MTHFD1: variants seen among roughly 807,000 people sequenced by gnomAD.
MTHFD1 encodes methylenetetrahydrofolate dehydrogenase, cyclohydrolase and formyltetrahydrofolate synthetase 1.
Under a neutral mutation model 110.3 loss-of-function variants are expected in MTHFD1, and 44 were observed. The ratio of observed to expected loss-of-function variants is 0.40; its 90% CI spans 0.31 to 0.51. The LOEUF (loss-of-function observed/expected upper bound fraction) is 0.51. Among genes scored for constraint, MTHFD1 ranks in the 20% least tolerant of loss-of-function variants. The pLI is 0.60. For missense variants in MTHFD1, 909 were observed against 1,173.1 expected, an observed-to-expected ratio of 0.77 and a Z score of 3.29; for synonymous variants, 402 against 428.8, an observed-to-expected ratio of 0.94 and a Z score of 0.77.
intron 26 of MTHFD1, among the ~76,000 whole-genome samples, chr14:64,456,932 G>A (rs1945828580): frequency 1.3e-5 from 2 of 152,092 alleles, no homozygotes; most frequent in African/African-American, 2.4e-5. Context: ...GAACTTGTGT[G>A]TATTCATTAT....
At chr14:64,444,335 C>T (rs1435705496) in intron 21 of MTHFD1, among the ~76,000 whole-genome samples, 3 of 152,014 alleles carry the variant, frequency 2.0e-5, no homozygotes, top group Non-Finnish European at 4.4e-5. Flanking sequence ...CTTCCGCAGG[C>T]CCGACCGCTT....
At position 64,411,060 on chromosome 14, in the gene MTHFD1, C is replaced by T. The variant is rs769407733; in HGVS notation, c.127-30C>T. On this transcript the variant is annotated intron_variant, in intron 2 of 27. Transcript: ENST00000652337. Reference sequence around the variant, plus strand: ...TCTGTGCACTTTGCCTTTCCCTAATCATCTGATTTGCATGCATTTATTATT... The same window carrying T: ...TCTGTGCACTTTGCCTTTCCCTAATTATCTGATTTGCATGCATTTATTATT... The T allele has an allele frequency of 3.3e-6, 5 of 1,506,194 alleles. No homozygotes were observed. In the Admixed American group the frequency reaches 8.4e-5, roughly 25 times the overall value. 93.3% of individuals were successfully genotyped at this position (1,506,194 alleles called of 1,614,324 possible).
intron 22 of MTHFD1, among the ~76,000 whole-genome samples, chr14:64,446,069 T>C (rs558182505): frequency 1.3e-5 from 2 of 152,336 alleles, no homozygotes; most frequent in East Asian, 3.9e-4. Flanking sequence ...ATATGTATTT[T>C]TATAGAAGAC....
chr14:64,409,666 G>A (rs962400030), intron 2 of MTHFD1, among the ~76,000 whole-genome samples: 3 of 151,940 alleles, frequency 2.0e-5, no homozygotes, highest in Non-Finnish European at 4.4e-5. Context: ...AAGCCCCTAC[G>A]AGAAGCATCT....
At chr14:64,409,947 T>C (rs1048024518) in intron 2 of MTHFD1, among the ~76,000 whole-genome samples, 1 of 152,144 alleles carries the variant, frequency 6.6e-6, no homozygotes, top group Non-Finnish European at 1.5e-5. Flanking sequence ...TCAGTTGTCT[T>C]TGATATGAAG....
chr14:64,410,995 T>G, intron 2 of MTHFD1, 95 bp from the exon 3 acceptor site: 1 of 894,634 alleles, frequency 1.1e-6, no homozygotes, highest in Non-Finnish European at 1.9e-6. Context: ...GTCGCATGAT[T>G]AAACATTTCT....
intron 1 of MTHFD1, 68 bp downstream of exon 1, chr14:64,388,536 C>CG: frequency 6.8e-7 from 1 of 1,479,036 alleles, no homozygotes; most frequent in Non-Finnish European, 9.4e-7. Flanking sequence ...GCAGGTCCCC[C>CG]GGACCCATTT....
At chr14:64,441,592 G>A (rs2078248427) in intron 19 of MTHFD1, 139 bp downstream of exon 19, 7 of 727,186 alleles carry the variant, frequency 9.6e-6, no homozygotes, top group Non-Finnish European at 2.4e-6. Flanking sequence ...AGATCACAAG[G>A]TCAGGAGATC....
At chr14:64,397,282 T>G in intron 1 of MTHFD1, among the ~76,000 whole-genome samples, 1 of 140,608 alleles carries the variant, frequency 7.1e-6, no homozygotes, top group South Asian at 2.4e-4. Context: ...GTTGTTTTTG[T>G]TGTTGTTATT....
chr14:64,393,708 A>G (rs1257080585), intron 1 of MTHFD1, among the ~76,000 whole-genome samples: 1 of 152,180 alleles, frequency 6.6e-6, no homozygotes, highest in Non-Finnish European at 1.5e-5. Context: ...GGGATCAGGC[A>G]GTTTGGGATT....
At chr14:64,430,355 A>G (rs991686171) in intron 13 of MTHFD1, 125 bp downstream of exon 13, 9 of 905,410 alleles carry the variant, frequency 9.9e-6, no homozygotes, top group South Asian at 2.6e-5. Context: ...CTGGAGTGCA[A>G]TGGCGCAATC....
chr14:64,422,942 T>C (rs1356504017), intron 8 of MTHFD1: 1 of 152,178 alleles, frequency 6.6e-6, no homozygotes, highest in Admixed American at 6.5e-5. Flanking sequence ...TCACCAGTGC[T>C]GCGTTTAGTC....
chr14:64,405,282 C>A (rs1299590282), intron 2 of MTHFD1, among the ~76,000 whole-genome samples: 2 of 152,026 alleles, frequency 1.3e-5, no homozygotes, highest in Non-Finnish European at 2.9e-5. Flanking sequence ...TTTTTTCCTC[C>A]ATTTTAAAAA....
At chr14:64,398,757 G>T (rs2077875849) in intron 1 of MTHFD1, among the ~76,000 whole-genome samples, 1 of 152,184 alleles carries the variant, frequency 6.6e-6, no homozygotes, top group Non-Finnish European at 1.5e-5. Flanking sequence ...AGCTGTTTGT[G>T]AATGTCCATA....
intron 2 of MTHFD1, among the ~76,000 whole-genome samples, chr14:64,408,358 G>C (rs956726600): frequency 7.2e-6 from 1 of 139,166 alleles, no homozygotes; most frequent in African/African-American, 2.7e-5. Flanking sequence ...GCACGATCTT[G>C]GCTCACTGCA....
intron 1 of MTHFD1, among the ~76,000 whole-genome samples, chr14:64,393,787 C>T (rs750614325): frequency 1.3e-5 from 2 of 152,130 alleles, no homozygotes; most frequent in Non-Finnish European, 2.9e-5. Flanking sequence ...GAAGAATCTT[C>T]TAGAAGGAAA....
At chr14:64,396,428 G>GGAGTGCACTCAC (rs2077849651) in intron 1 of MTHFD1, among the ~76,000 whole-genome samples, 1 of 99,842 alleles carries the variant, frequency 1.0e-5, no homozygotes, top group Non-Finnish European at 1.9e-5. Context: ...TTTCACTCTT[G>GGAGTGCACTCAC]TTGCCTAGGC....
chr14:64,445,041 A>T, intron 22 of MTHFD1: 1 of 403,110 alleles, frequency 2.5e-6, no homozygotes. Flanking sequence ...TATTATTACA[A>T]CTGGAGGTGG....
At chr14:64,398,601 G>T (rs574284362) in intron 1 of MTHFD1, among the ~76,000 whole-genome samples, 1 of 152,238 alleles carries the variant, frequency 6.6e-6, no homozygotes, top group Admixed American at 6.5e-5. Flanking sequence ...AAAATCTTGG[G>T]TATGACTTCT....
Sources: allele counts gnomAD v4.1 joint callset (sites outside exome capture counted in the v4.1 genomes callset), GRCh38; gene constraint gnomAD v4.1.1; transcripts MANE v1.5; gene names NCBI Gene and HGNC (gene_info 2026-07-23, HGNC 2026-07-21).